The following ADGRB3 variants were observed in gnomAD, a reference collection of about 807,000 sequenced individuals.
The protein encoded by ADGRB3 is adhesion G protein-coupled receptor B3, also known as brain-specific angiogenesis inhibitor 3.
ADGRB3 carries 37 observed loss-of-function variants against 193.4 expected under a neutral mutation model. The observed-to-expected ratio is 0.19, with a 90% CI of 0.15 to 0.25. The LOEUF (loss-of-function observed/expected upper bound fraction) is 0.25, where lower values mean the gene tolerates loss of function less well. Among genes scored for constraint, ADGRB3 ranks in the 10% least tolerant of loss-of-function variants. The pLI is 1.00. For missense variants in ADGRB3, 1,637 were observed against 1,852.9 expected (o/e 0.88, Z 2.14); for synonymous variants, 690 against 644.2 (o/e 1.07, Z -1.08).
intron 11 of ADGRB3, among the ~76,000 whole-genome samples, chr6:69,003,042 T>A (rs1769629343): frequency 6.6e-6 from 1 of 152,234 alleles, no homozygotes; most frequent in South Asian, 2.1e-4. Context: ...AACCACTCTA[T>A]GCCTCAATTT....
At chr6:69,031,037 CTCT>C (rs1770647073) in intron 13 of ADGRB3, among the ~76,000 whole-genome samples, 7 of 36,560 alleles carry the variant, frequency 1.9e-4, no homozygotes, top group African/African-American at 4.1e-4. Context: ...CTCTTCTCTT[CTCT>C]CTTCTCTTCT....
chr6:68,822,384 C>CA (rs1214558966), intron 3 of ADGRB3, among the ~76,000 whole-genome samples: 1 of 151,866 alleles, frequency 6.6e-6, no homozygotes, highest in Non-Finnish European at 1.5e-5. Flanking sequence ...ACACAGTGAT[C>CA]AAAAGCAGTC....
At chr6:68,772,893 AAATATAT>A (rs1325771299) in intron 3 of ADGRB3, among the ~76,000 whole-genome samples, 68 of 22,634 alleles carry the variant, frequency 3.0e-3, no homozygotes, top group African/African-American at 7.2e-3. Context: ...AAAAAAAAAA[AAATATAT>A]ATATATATAT....
chr6:69,381,941 C>T (rs1769954725), intron 30 of ADGRB3, among the ~76,000 whole-genome samples: 2 of 151,816 alleles, frequency 1.3e-5, no homozygotes, highest in African/African-American at 4.8e-5. Flanking sequence ...CTGAGGAAGA[C>T]ATTTTCTCCT....
chr6:69,332,240 GT>G (rs1768747530), intron 23 of ADGRB3: 1 of 985,172 alleles, frequency 1.0e-6, no homozygotes, highest in Admixed American at 6.2e-5. Flanking sequence ...TTCATTTCAT[GT>G]ATCATGCAAA....
intron 16 of ADGRB3, among the ~76,000 whole-genome samples, chr6:69,072,613 A>G (rs1012578430): frequency 6.6e-6 from 1 of 152,142 alleles, no homozygotes; most frequent in Non-Finnish European, 1.5e-5. Context: ...TAGTTTATAT[A>G]AAGATTTAAC....
At chr6:68,782,271 C>A (rs929909735) in intron 3 of ADGRB3, among the ~76,000 whole-genome samples, 14 of 151,558 alleles carry the variant, frequency 9.2e-5, no homozygotes, top group South Asian at 2.1e-4. Flanking sequence ...TGGTTTCCAG[C>A]GTCATCTATG....
At chr6:69,018,023 A>T (rs917569299) in intron 12 of ADGRB3, among the ~76,000 whole-genome samples, 1 of 151,894 alleles carries the variant, frequency 6.6e-6, no homozygotes, top group Non-Finnish European at 1.5e-5. Context: ...TGTGTTCCTC[A>T]TATAGATGCC....
chr6:68,685,470 C>T (rs1380238504), intron 3 of ADGRB3, among the ~76,000 whole-genome samples: 6 of 151,618 alleles, frequency 4.0e-5, no homozygotes, highest in Non-Finnish European at 7.4e-5. Flanking sequence ...GAAAGACAGA[C>T]AATGGGGAAG....
At chr6:69,025,660 G>T in intron 13 of ADGRB3, among the ~76,000 whole-genome samples, 1 of 151,416 alleles carries the variant, frequency 6.6e-6, no homozygotes, top group Non-Finnish European at 1.5e-5. Flanking sequence ...GAAGCTAGTG[G>T]GTATTTTTCT....
At chr6:69,089,398 A>G (rs1480002572) in intron 17 of ADGRB3, among the ~76,000 whole-genome samples, 1 of 152,178 alleles carries the variant, frequency 6.6e-6, no homozygotes, top group Non-Finnish European at 1.5e-5. Flanking sequence ...TAAATTGTAT[A>G]TTAAAGGGAA....
intron 3 of ADGRB3, among the ~76,000 whole-genome samples, chr6:68,914,919 A>G (rs1451267063): frequency 6.6e-6 from 1 of 152,208 alleles, no homozygotes; most frequent in East Asian, 1.9e-4. Context: ...AGTATCAAAT[A>G]AAATCTACAA....
intron 17 of ADGRB3, among the ~76,000 whole-genome samples, chr6:69,193,783 T>C (rs1316792644): frequency 2.6e-5 from 4 of 151,938 alleles, no homozygotes; most frequent in Admixed American, 2.6e-4. Flanking sequence ...TTCTGTAAAC[T>C]AGGGGCAAGA....
chr6:68,840,075 C>T (rs867386963), intron 3 of ADGRB3, among the ~76,000 whole-genome samples: 1 of 152,142 alleles, frequency 6.6e-6, no homozygotes, highest in Non-Finnish European at 1.5e-5. Context: ...TGGCAAAACT[C>T]ACCACCACAG....
chr6:69,085,043 A>G (rs1478080761), intron 17 of ADGRB3, among the ~76,000 whole-genome samples: 1 of 152,094 alleles, frequency 6.6e-6, no homozygotes, highest in Non-Finnish European at 1.5e-5. Flanking sequence ...GGTATCATAT[A>G]CTTTGGGAAG....
Position 68,847,201 on chromosome 6 carries a change from A to T in ADGRB3, c.758-83358A>T, listed in dbSNP as rs547221239. Among the ~76,000 whole-genome samples the T allele has an allele frequency of 2.6e-5, 4 of 152,294 alleles. No homozygotes were observed. In the East Asian group the frequency reaches 5.8e-4, roughly 22 times the overall value. On this transcript the variant is annotated intron_variant, in intron 3 of 31. Transcript: ENST00000370598. ...CATACCCCTATTGTATCTAGGAAGTAACTAGCTTTCTTTTGACTTCACAGG... is the reference window on the plus strand; with the variant it reads ...CATACCCCTATTGTATCTAGGAAGTTACTAGCTTTCTTTTGACTTCACAGG...
intron 17 of ADGRB3, among the ~76,000 whole-genome samples, chr6:69,160,879 A>G (rs62406803): frequency 0.14 from 21,516 of 152,156 alleles, 1,571 homozygotes; most frequent in Middle Eastern, 0.16. Flanking sequence ...TACATGAGAA[A>G]GCCAAGAGAC....
At chr6:69,124,649 T>G (rs1031398549) in intron 17 of ADGRB3, among the ~76,000 whole-genome samples, 2 of 152,226 alleles carry the variant, frequency 1.3e-5, no homozygotes, top group African/African-American at 4.8e-5. Flanking sequence ...ATCTTTTGAA[T>G]TTCTAAAAAG....
chr6:69,216,808 A>G (rs1765780304), intron 17 of ADGRB3, among the ~76,000 whole-genome samples: 1 of 152,124 alleles, frequency 6.6e-6, no homozygotes. Context: ...CAGTGGTGTT[A>G]TTGTCTATTT....
Sources: gnomAD v4.1 joint callset for allele counts (sites outside exome capture counted in the v4.1 genomes callset) on GRCh38, gnomAD v4.1.1 for gene constraint, MANE v1.5 for transcripts, NCBI Gene and HGNC (gene_info 2026-07-23, HGNC 2026-07-21) for gene names.